The following KIF21A variants were observed in gnomAD, a reference collection of about 807,000 sequenced individuals.
KIF21A encodes the protein kinesin-like protein KIF21A.
Under a neutral mutation model 202.9 loss-of-function variants are expected in KIF21A, and 114 were observed. The ratio of observed to expected loss-of-function variants is 0.56; its 90% CI spans 0.48 to 0.66. The LOEUF is 0.66. Among genes scored for constraint, KIF21A ranks in the 30% least tolerant of loss-of-function variants. KIF21A has a pLI of 0.00. For missense variants in KIF21A, 1,677 were observed against 1,994.9 expected (o/e 0.84, Z 3.04); for synonymous variants, 667 against 670.8 (o/e 0.99, Z 0.09).
rs1947442598 is a variant in KIF21A at position 39,341,510 on chromosome 12, T to C, written c.1916A>G (p.Glu639Gly). 5.0e-6 allele frequency: 8 copies of C among 1,613,056 alleles called. No individual in the cohort carries two copies. In the East Asian group the frequency reaches 1.6e-4, roughly 31 times the overall value. Residue 639 changes from glutamate (E) to glycine (G), a missense_variant, in exon 14 of 38, where the codon GAA (glutamate) becomes GGA (glycine). By Grantham distance (98) the Glu-to-Gly change is moderately conservative. This residue lies in a region of KIF21A where 966 missense variants were observed against 1,180.9 expected (regional missense o/e 0.82). Transcript: ENST00000361418. ...SSDESDSESDEKANYQADLAN... is the reference protein window; with the variant it reads ...SSDESDSESDGKANYQADLAN... The stretch of plus-strand genomic sequence containing the variant: ...TTATACCAAAGGGCAAGTACCTTTT[T>C]CATCTGATTCAGAATCTGATTCATC...
At chr12:39,299,704 A>G (rs1406882924) in intron 37 of KIF21A, among the ~76,000 whole-genome samples, 2 of 152,204 alleles carry the variant, frequency 1.3e-5, no homozygotes, top group Non-Finnish European at 2.9e-5. Context: ...ATCAACCTAA[A>G]TGCCCATCAA....
Position 39,366,478 on chromosome 12 carries a change from G to A in KIF21A, c.775C>T (p.Gln259Ter). 1 of 1,612,404 alleles carries A rather than the reference G, an allele frequency of 6.2e-7. No individual in the cohort carries two copies. The highest frequency in any genetic ancestry group is 8.5e-7 in the Non-Finnish European group (1 of 1,178,558). ...TDNKIISESA[Q>*]MNEFETLTAK... is the part of the protein sequence containing the mutation. Reference sequence around the variant, plus strand: ...GTCAGGGTTTCAAATTCATTCATCTGTGCTGATTCAGAAATAATTTTATTA... The same window carrying A: ...GTCAGGGTTTCAAATTCATTCATCTATGCTGATTCAGAAATAATTTTATTA... The change falls in exon 6 of 38, where the codon CAG (glutamine) becomes TAG (stop). Residue 259 changes from glutamine to a stop codon, truncating the protein, a stop_gained. Transcript: ENST00000361418. LOFTEE classifies it high-confidence loss of function.
At chr12:39,322,409 A>G (rs1945375324) in intron 27 of KIF21A, 1 of 329,114 alleles carries the variant, frequency 3.0e-6, no homozygotes. Context: ...TTCATAAGTC[A>G]GCCTTTATAA....
intron 10 of KIF21A, chr12:39,356,506 G>A (rs1220858981): frequency 4.8e-6 from 1 of 207,802 alleles, no homozygotes; most frequent in South Asian, 1.0e-4. Context: ...ACTGATGGGG[G>A]AAGAGGCATA....
chr12:39,319,483 T>C (rs1382724905), intron 28 of KIF21A, among the ~76,000 whole-genome samples: 1 of 152,218 alleles, frequency 6.6e-6, no homozygotes, highest in Non-Finnish European at 1.5e-5. Context: ...CTATGATTAA[T>C]ATTAGTTTTT....
Position 39,375,678 on chromosome 12 carries a change from A to G in KIF21A, c.45-5417T>C, listed in dbSNP as rs1950227083. ...CACATTACTTATTGTACCACAAGTA[A>G]TAAAAGTCCTTAGTCTCCAATCGGG... On this transcript the variant is annotated intron_variant, in intron 1 of 37. Transcript: ENST00000361418. Among the ~76,000 whole-genome samples the G allele has an allele frequency of 2.0e-5, 3 of 152,094 alleles. No homozygotes were observed. In the South Asian group the frequency reaches 6.2e-4, roughly 32 times the overall value.
chr12:39,306,485 CTATT>C (rs1291161469), intron 34 of KIF21A, among the ~76,000 whole-genome samples: 16 of 152,048 alleles, frequency 1.1e-4, no homozygotes, highest in Non-Finnish European at 2.4e-4. Flanking sequence ...TTTCTCTTAT[CTATT>C]TATCTATAAA....
intron 1 of KIF21A, among the ~76,000 whole-genome samples, chr12:39,436,440 ATATATATATTTTTT>A (rs1022877448): frequency 6.8e-5 from 8 of 118,322 alleles, no homozygotes; most frequent in Admixed American, 3.3e-4. Flanking sequence ...ATATATATAT[ATATATATATTTTTT>A]TTTTTTTTAG....
At chr12:39,368,804 A>G (rs551062267) in intron 3 of KIF21A, among the ~76,000 whole-genome samples, 18 of 152,220 alleles carry the variant, frequency 1.2e-4, no homozygotes, top group African/African-American at 4.3e-4. Flanking sequence ...ATTTTCATCA[A>G]TGATGAAAAT....
chr12:39,318,465 A>G (rs1433515714), intron 28 of KIF21A, among the ~76,000 whole-genome samples: 1 of 152,224 alleles, frequency 6.6e-6, no homozygotes, highest in East Asian at 1.9e-4. Context: ...AGCAAGCCAC[A>G]TTTAAAATTA....
chr12:39,380,366 C>A (rs1950540279), intron 1 of KIF21A, among the ~76,000 whole-genome samples: 1 of 152,212 alleles, frequency 6.6e-6, no homozygotes, highest in African/African-American at 2.4e-5. Flanking sequence ...CTACAATTCT[C>A]CAGCCTTTCA....
chr12:39,407,665 T>C (rs1293698811), intron 1 of KIF21A, among the ~76,000 whole-genome samples: 6 of 152,196 alleles, frequency 3.9e-5, no homozygotes, highest in Non-Finnish European at 8.8e-5. Context: ...CTCAAGATCA[T>C]ACAGCTTGCT....
intron 17 of KIF21A, among the ~76,000 whole-genome samples, chr12:39,333,703 G>T: frequency 6.6e-6 from 1 of 152,144 alleles, no homozygotes; most frequent in Non-Finnish European, 1.5e-5. Context: ...ATTATAAACT[G>T]TTGTAGACAT....
chr12:39,300,697 G>A (rs895481778), intron 37 of KIF21A, among the ~76,000 whole-genome samples: 2 of 151,812 alleles, frequency 1.3e-5, no homozygotes, highest in African/African-American at 4.8e-5. Flanking sequence ...ATATATATAT[G>A]TACTATATAT....
rs780506197 is a variant in KIF21A at position 39,304,902 on chromosome 12, G to A, written c.4479C>T (p.Gly1493=). ...QSTGKLTGHL[G]PVMCLTVDQI... is the part of the protein sequence containing the mutation. ...GATCCACAGTAAGGCACATAACAGGGCCTAGGTGTCCTGTTAACTTTCCTG... is the reference window on the plus strand; with the variant it reads ...GATCCACAGTAAGGCACATAACAGGACCTAGGTGTCCTGTTAACTTTCCTG... The change falls in exon 35 of 38, where the codon GGC becomes GGT. Residue 1493 remains glycine, a synonymous_variant. Transcript: ENST00000361418. The A allele has an allele frequency of 1.2e-6, 2 of 1,602,710 alleles. No homozygotes were observed. Among genetic ancestry groups the A allele is most frequent in the Non-Finnish European group, 1.7e-6 (2 of 1,170,464 alleles).
intron 17 of KIF21A, among the ~76,000 whole-genome samples, chr12:39,336,116 G>C (rs1946942342): frequency 6.6e-6 from 1 of 152,104 alleles, no homozygotes; most frequent in Non-Finnish European, 1.5e-5. Flanking sequence ...CAGTCTTGCT[G>C]TGTTGTTGTT....
At chr12:39,339,871 T>C (rs1348894874) in intron 16 of KIF21A, among the ~76,000 whole-genome samples, 1 of 152,204 alleles carries the variant, frequency 6.6e-6, no homozygotes, top group Non-Finnish European at 1.5e-5. Context: ...CTTTCTTGCA[T>C]ATTTGAAATA....
At chr12:39,311,316 T>A in intron 32 of KIF21A, 101 bp downstream of exon 32, 2 of 1,075,016 alleles carry the variant, frequency 1.9e-6, no homozygotes, top group Non-Finnish European at 2.7e-6. Context: ...TCCGATTCTT[T>A]CTGGTCTTAA....
intron 11 of KIF21A, among the ~76,000 whole-genome samples, chr12:39,351,390 A>T (rs1295355952): frequency 1.3e-5 from 2 of 152,156 alleles, no homozygotes; most frequent in African/African-American, 4.8e-5. Context: ...GGATGAAAAT[A>T]TCCATGAGAC....
Sources: gnomAD v4.1 joint callset for allele counts (sites outside exome capture counted in the v4.1 genomes callset) on GRCh38, gnomAD v4.1.1 for gene constraint, gnomAD v4.1.1 regional missense constraint, MANE v1.5 for transcripts, NCBI Gene and HGNC (gene_info 2026-07-23, HGNC 2026-07-21) for gene names.